The following SUGCT variants were observed in gnomAD, a reference collection of about 807,000 sequenced individuals.
SUGCT encodes the protein succinyl-CoA:glutarate-CoA transferase, also known as succinyl-CoA:glutarate CoA-transferase.
A neutral mutation model predicts 55.0 loss-of-function variants in SUGCT; 41 were observed. The ratio of observed to expected loss-of-function variants is 0.74; its 90% CI spans 0.58 to 0.97. The LOEUF is 0.97. Ranked by LOEUF, SUGCT falls within the 50% of genes least tolerant of loss-of-function variation. The pLI, the probability that SUGCT is intolerant of heterozygous loss-of-function variation, is 0.00. For synonymous variants in SUGCT, 187 were observed against 200.4 expected, an observed-to-expected ratio of 0.93 and a Z score of 0.56; for missense variants, 568 against 547.8, an observed-to-expected ratio of 1.04 and a Z score of -0.37.
intron 12 of SUGCT, among the ~76,000 whole-genome samples, chr7:40,566,928 A>C (rs1796188959): frequency 6.6e-6 from 1 of 152,198 alleles, no homozygotes; most frequent in Non-Finnish European, 1.5e-5. Context: ...TGGGTAACTT[A>C]AAAAAATATT....
At chr7:40,529,767 A>G (rs989104154) in intron 12 of SUGCT, among the ~76,000 whole-genome samples, 2 of 152,178 alleles carry the variant, frequency 1.3e-5, no homozygotes, top group African/African-American at 4.8e-5. Flanking sequence ...GTTGGTGCAA[A>G]AGGAATTATG....
the SUGCT span, among the ~76,000 whole-genome samples, chr7:40,877,640 A>T: frequency 6.6e-6 from 1 of 152,194 alleles, no homozygotes; most frequent in Non-Finnish European, 1.5e-5. Context: ...AGATTCTTAG[A>T]TTTGTTTTTA....
intron 12 of SUGCT, among the ~76,000 whole-genome samples, chr7:40,518,058 A>G (rs987865210): frequency 6.6e-6 from 1 of 152,180 alleles, no homozygotes; most frequent in Admixed American, 6.5e-5. Flanking sequence ...ACTCTTCTAT[A>G]TGGTACTGTG....
chr7:40,651,452 T>C (rs1800775384), intron 12 of SUGCT, among the ~76,000 whole-genome samples: 1 of 152,136 alleles, frequency 6.6e-6, no homozygotes, highest in Non-Finnish European at 1.5e-5. Flanking sequence ...TTCTTGTGAA[T>C]TTGTTTAAAT....
intron 8 of SUGCT, among the ~76,000 whole-genome samples, chr7:40,311,493 C>T (rs1187636602): frequency 1.3e-5 from 2 of 152,218 alleles, no homozygotes; most frequent in Non-Finnish European, 2.9e-5. Flanking sequence ...CAATGACTGG[C>T]ATGCTGTGGC....
chr7:40,376,086 A>G (rs1032757951), intron 9 of SUGCT, among the ~76,000 whole-genome samples: 2 of 152,220 alleles, frequency 1.3e-5, no homozygotes, highest in East Asian at 1.9e-4. Flanking sequence ...TCATAATGCT[A>G]AATTAGAACA....
chr7:40,449,415 A>C (rs554798757), intron 10 of SUGCT, 57 bp downstream of exon 10: 1 of 1,404,070 alleles, frequency 7.1e-7, no homozygotes, highest in African/African-American at 1.4e-5. Flanking sequence ...GGGAAAGTTC[A>C]GTTTTGCCCA....
At chr7:40,898,995 C>T in the SUGCT span, among the ~76,000 whole-genome samples, 6 of 152,226 alleles carry the variant, frequency 3.9e-5, no homozygotes, top group African/African-American at 1.2e-4. Flanking sequence ...GGAGGGGGGT[C>T]TACAGCCACG....
chr7:40,793,720 T>C (rs1337013179), intron 13 of SUGCT, among the ~76,000 whole-genome samples: 1 of 152,130 alleles, frequency 6.6e-6, no homozygotes, highest in Non-Finnish European at 1.5e-5. Context: ...TTCTGGAAGA[T>C]TCTTCAAATG....
the SUGCT span, among the ~76,000 whole-genome samples, chr7:41,018,651 A>T: frequency 6.6e-6 from 1 of 152,066 alleles, no homozygotes; most frequent in Non-Finnish European, 1.5e-5. Context: ...AAAGCATGGG[A>T]CTCCGTAAGT....
At chr7:40,391,341 C>T (rs918151149) in intron 9 of SUGCT, among the ~76,000 whole-genome samples, 2 of 152,122 alleles carry the variant, frequency 1.3e-5, no homozygotes, top group Non-Finnish European at 2.9e-5. Flanking sequence ...TCAGAGTGAA[C>T]AGGCAACCTA....
chr7:40,269,645 T>C (rs924426586), intron 7 of SUGCT, among the ~76,000 whole-genome samples: 2 of 152,034 alleles, frequency 1.3e-5, no homozygotes, highest in Non-Finnish European at 2.9e-5. Flanking sequence ...AAAAATGGGA[T>C]TATTTGTCTT....
the SUGCT span, among the ~76,000 whole-genome samples, chr7:40,939,382 G>C: frequency 6.6e-6 from 1 of 152,048 alleles, no homozygotes; most frequent in Non-Finnish European, 1.5e-5. Context: ...ATTTGGGTGG[G>C]GACACAGCCA....
chr7:40,582,786 C>T (rs1490650735), intron 12 of SUGCT, among the ~76,000 whole-genome samples: 1 of 152,060 alleles, frequency 6.6e-6, no homozygotes, highest in African/African-American at 2.4e-5. Context: ...TTGGGTGGGC[C>T]CTTAACTCCA....
chr7:40,995,961 G>A, the SUGCT span, among the ~76,000 whole-genome samples: 2 of 152,192 alleles, frequency 1.3e-5, no homozygotes, highest in African/African-American at 2.4e-5. Context: ...TCATACATGA[G>A]GGGCAAATGG....
At chr7:41,002,352 T>G in the SUGCT span, among the ~76,000 whole-genome samples, 1 of 152,090 alleles carries the variant, frequency 6.6e-6, no homozygotes, top group Non-Finnish European at 1.5e-5. Context: ...TATCAAGAGA[T>G]AGAGGACAGA....
rs371604761 is a variant in SUGCT at position 40,671,356 on chromosome 7, A to G, written c.1090-78078A>G. Among the ~76,000 whole-genome samples the G allele has an allele frequency of 3.4e-4, 52 of 152,352 alleles. No individual in the cohort carries two copies. The South Asian group carries it at 8.7e-3, about 25-fold the overall frequency. On this transcript the variant is annotated intron_variant, in intron 12 of 13. Coordinates refer to ENST00000335693, the MANE Select transcript of SUGCT (RefSeq NM_001193313.2). ...AAAGGAAAACTTTGTCAACTTGAAA[A>G]AGAGCATCTACAAAGTTCTGGAAGT...
intron 7 of SUGCT, among the ~76,000 whole-genome samples, chr7:40,245,242 A>G (rs570523258): frequency 3.8e-4 from 57 of 148,510 alleles, no homozygotes; most frequent in African/African-American, 1.3e-3. Context: ...TATTTTTAGT[A>G]GAGATGGGGT....
intron 1 of SUGCT, among the ~76,000 whole-genome samples, chr7:40,162,976 T>C (rs1784251255): frequency 6.6e-6 from 1 of 152,176 alleles, no homozygotes; most frequent in South Asian, 2.1e-4. Flanking sequence ...TAGCCCAATC[T>C]CAGTTGCTCA....
Sources: gnomAD v4.1 joint callset for allele counts (sites outside exome capture counted in the v4.1 genomes callset) on GRCh38, gnomAD v4.1.1 for gene constraint, MANE v1.5 for transcripts, NCBI Gene and HGNC (gene_info 2026-07-23, HGNC 2026-07-21) for gene names.